The following FAM168B variants were observed in gnomAD, a reference collection of about 807,000 sequenced individuals.
FAM168B encodes the protein myelin-associated neurite-outgrowth inhibitor.
Under a neutral mutation model 21.8 loss-of-function variants are expected in FAM168B, and 19 were observed. The ratio of observed to expected loss-of-function variants is 0.87; its 90% confidence interval spans 0.61 to 1.28. FAM168B has a LOEUF of 1.28. Ranked by LOEUF, FAM168B falls within the 50% of genes most tolerant of loss-of-function variation. FAM168B has a pLI of 0.00. For synonymous variants in FAM168B, 126 were observed against 104.8 expected (o/e 1.20, Z -1.24); for missense variants, 233 against 263.1 (o/e 0.89, Z 0.79).
At chr2:131,080,895 C>T (rs1409000918) in intron 2 of FAM168B, among the ~76,000 whole-genome samples, 1 of 151,864 alleles carries the variant, frequency 6.6e-6, no homozygotes, top group Non-Finnish European at 1.5e-5. Context: ...TGGTCTCGAT[C>T]TCCTGAACTC....
At chr2:131,084,060 A>G (rs1049644363) in intron 1 of FAM168B, among the ~76,000 whole-genome samples, 45 of 150,830 alleles carry the variant, frequency 3.0e-4, no homozygotes, top group African/African-American at 1.1e-3. Context: ...GCGCCACCAC[A>G]CCCAGCTAAT....
intron 2 of FAM168B, 129 bp downstream of exon 2, chr2:131,082,448 C>T: frequency 1.6e-6 from 1 of 637,092 alleles, no homozygotes; most frequent in Non-Finnish European, 2.7e-6. Context: ...TGATTTTTCA[C>T]TTCCAGGTAT....
chr2:131,057,232 A>G (rs1312228772), intron 3 of FAM168B, among the ~76,000 whole-genome samples: 1 of 152,226 alleles, frequency 6.6e-6, no homozygotes, highest in Non-Finnish European at 1.5e-5. Flanking sequence ...AAGACTTGTA[A>G]AAAGTGTTCA....
At chr2:131,069,682 A>G (rs1334297484) in intron 3 of FAM168B, among the ~76,000 whole-genome samples, 2 of 151,828 alleles carry the variant, frequency 1.3e-5, no homozygotes, top group Non-Finnish European at 1.5e-5. Flanking sequence ...TTTAGTAGAG[A>G]GGGGGTTTCA....
chr2:131,049,159 T>G lies in FAM168B; in HGVS notation c.*3306A>C. 1.0e-6 allele frequency: 1 copy of G among 985,428 alleles called. No homozygotes were observed. The highest frequency in any genetic ancestry group is 1.2e-6 in the Non-Finnish European group (1 of 829,936). 61.0% of individuals were successfully genotyped at this position (985,428 alleles called of 1,614,324 possible). On this transcript the variant is annotated 3_prime_UTR_variant, in exon 7 of 7. Transcript: ENST00000389915. ...TACGTCGCAAGTTGCTGTAATAATGTATTTCCTCTCGTTACTGTTGTGTCC... is the reference window on the plus strand; with the variant it reads ...TACGTCGCAAGTTGCTGTAATAATGGATTTCCTCTCGTTACTGTTGTGTCC...
Position 131,050,018 on chromosome 2 carries a change from C to T in FAM168B, c.*2447G>A, listed in dbSNP as rs1309572712. ...TTTCAAAGTCAGAAAGATTTCTGCA[C>T]GGATGTGCAATGCAAACTTATTTCA... On this transcript the variant is annotated 3_prime_UTR_variant, in exon 7 of 7. Transcript: ENST00000389915. The T allele has an allele frequency of 1.2e-5, 12 of 985,306 alleles. No homozygotes were observed. The highest frequency in any genetic ancestry group is 6.2e-5 in the Admixed American group (1 of 16,256). The allele number at this position is 985,306 out of a possible 1,614,324, so 61.0% of individuals were successfully genotyped here.
chr2:131,052,984 A>AG lies in FAM168B; in HGVS notation c.506dup (p.Val170CysfsTer68). The AG allele has an allele frequency of 6.4e-7, 1 of 1,557,794 alleles. No homozygotes were observed. Among genetic ancestry groups the AG allele is most frequent in the Non-Finnish European group, 8.7e-7 (1 of 1,150,308 alleles). On this transcript the variant is annotated frameshift_variant, in exon 6 of 7. Transcript: ENST00000389915. LOFTEE classifies it high-confidence loss of function. ...GCACAGTGACCGGGTGGGGGGCGACAGGAGTTGGGGAGTGAGCAGTCAGCA... is the reference window on the plus strand; with the variant it reads ...GCACAGTGACCGGGTGGGGGGCGACAGGGAGTTGGGGAGTGAGCAGTCAGCA...
intron 2 of FAM168B, among the ~76,000 whole-genome samples, chr2:131,074,556 A>C (rs1693039401): frequency 6.6e-6 from 1 of 152,178 alleles, no homozygotes; most frequent in Admixed American, 6.5e-5. Flanking sequence ...CCTGTAAATA[A>C]AGTTGAAAGA....
rs2105439767 is a variant in FAM168B, at chr2:131,049,041, A to G, written c.*3424T>C. 1.0e-6 allele frequency: 1 copy of G among 985,502 alleles called. No homozygotes were observed. The highest frequency in any genetic ancestry group is 1.7e-5 in the African/African-American group (1 of 57,382). 61.0% of individuals were successfully genotyped at this position (985,502 alleles called of 1,614,324 possible). ...TTTTTTAAAGCAGACACCAATACTT[A>G]CATAACTAGTACATGTTGGCCTTTC... On this transcript the variant is annotated 3_prime_UTR_variant, in exon 7 of 7. Transcript: ENST00000389915.
In FAM168B at chr2:131,051,120, CT is replaced by C; in HGVS notation, c.*1344del. 1 of 985,410 alleles carries C rather than the reference CT, an allele frequency of 1.0e-6. No individual in the cohort carries two copies. The highest frequency in any genetic ancestry group is 1.2e-6 in the Non-Finnish European group (1 of 829,958). The allele number at this position is 985,410 out of a possible 1,614,324, so 61.0% of individuals were successfully genotyped here. A position where few individuals can be genotyped will look rare whatever the true frequency, so the allele number is the denominator to read the frequency against. The stretch of plus-strand genomic sequence containing the variant: ...TGCCTGGCCCTCTCTGCTGTCTGTG[CT>C]TGCTTTGTGCCAAGTGCCCTCAGCT... On this transcript the variant is annotated 3_prime_UTR_variant, in exon 7 of 7. Coordinates refer to ENST00000389915, the MANE Select transcript of FAM168B (RefSeq NM_001009993.4).
At chr2:131,071,387 C>A (rs1228815519) in intron 3 of FAM168B, among the ~76,000 whole-genome samples, 1 of 152,182 alleles carries the variant, frequency 6.6e-6, no homozygotes, top group Non-Finnish European at 1.5e-5. Context: ...AAGATTCAGA[C>A]CCAAACCAAT....
In FAM168B at chr2:131,049,781, A is replaced by C; in HGVS notation, c.*2684T>G. 2 of 985,872 alleles carry C rather than the reference A, an allele frequency of 2.0e-6. No individual in the cohort carries two copies. The highest frequency in any genetic ancestry group is 2.4e-6 in the Non-Finnish European group (2 of 829,938). The allele number at this position is 985,872 out of a possible 1,614,324, so 61.1% of individuals were successfully genotyped here. On this transcript the variant is annotated 3_prime_UTR_variant, in exon 7 of 7. Transcript: ENST00000389915. ...AGGAATGTCAAACACACAAAAAGCAAATTTCTCAGAATGCTCCACCATATG... is the reference window on the plus strand; with the variant it reads ...AGGAATGTCAAACACACAAAAAGCACATTTCTCAGAATGCTCCACCATATG...
chr2:131,050,994 G>T lies in FAM168B; in HGVS notation c.*1471C>A. 1.0e-6 allele frequency: 1 copy of T among 985,448 alleles called. No individual in the cohort carries two copies. The highest frequency in any genetic ancestry group is 1.2e-6 in the Non-Finnish European group (1 of 829,972). 61.0% of individuals were successfully genotyped at this position (985,448 alleles called of 1,614,324 possible). A position where few individuals can be genotyped will look rare whatever the true frequency, so the allele number is the denominator to read the frequency against. ...TACAGGACGGGCATATTTTGGGGGC[G>T]GGGTGGAGGGAAGCCTTTTCATTTC... On this transcript the variant is annotated 3_prime_UTR_variant, in exon 7 of 7. Coordinates refer to ENST00000389915, the MANE Select transcript of FAM168B (RefSeq NM_001009993.4).
chr2:131,080,675 G>C (rs1027513034), intron 2 of FAM168B, among the ~76,000 whole-genome samples: 1 of 147,486 alleles, frequency 6.8e-6, no homozygotes, highest in African/African-American at 2.5e-5. Context: ...AATAGTAAAA[G>C]AATTTTTTTT....
chr2:131,076,004 C>T (rs1317516841), intron 2 of FAM168B, among the ~76,000 whole-genome samples: 1 of 152,128 alleles, frequency 6.6e-6, no homozygotes, highest in African/African-American at 2.4e-5. Flanking sequence ...GCTCTGTCAC[C>T]ACTCTGACCC....
chr2:131,085,769 A>T (rs1339713328), intron 1 of FAM168B, among the ~76,000 whole-genome samples: 1 of 152,210 alleles, frequency 6.6e-6, no homozygotes, highest in East Asian at 1.9e-4. Context: ...GCCATTCACA[A>T]CTACAGCTAC....
chr2:131,087,077 A>AC (rs1254574337), intron 1 of FAM168B, among the ~76,000 whole-genome samples: 2 of 140,196 alleles, frequency 1.4e-5, no homozygotes, highest in Non-Finnish European at 3.0e-5. Context: ...AAAAAAAAAA[A>AC]AAAAAAAAGA....
intron 3 of FAM168B, among the ~76,000 whole-genome samples, chr2:131,062,712 T>C (rs1358433493): frequency 1.3e-5 from 2 of 152,186 alleles, no homozygotes; most frequent in Non-Finnish European, 2.9e-5. Context: ...CCTCCCAAAG[T>C]GCTGGGATTA....
rs764304514 is a variant in FAM168B, at chr2:131,055,645, C to A, written c.205G>T (p.Ala69Ser). 5.0e-6 allele frequency: 8 copies of A among 1,613,210 alleles called. No individual in the cohort carries two copies. Among genetic ancestry groups the A allele is most frequent in the Non-Finnish European group, 6.8e-6 (8 of 1,179,630 alleles). Reference protein sequence around the residue: ...YKVSCSPTSGAVPPYSSSPNP... With the variant: ...YKVSCSPTSGSVPPYSSSPNP... ...GGGGAGGAGGAGTACGGTGGCACAGCCCCGCTGGTGGGGGAACAGGACACT... is the reference window on the plus strand; with the variant it reads ...GGGGAGGAGGAGTACGGTGGCACAGACCCGCTGGTGGGGGAACAGGACACT... The change falls in exon 4 of 7, where the codon GCT (alanine) becomes TCT (serine). Residue 69 changes from alanine (A) to serine (S), a missense_variant. Coordinates refer to ENST00000389915, the MANE Select transcript of FAM168B (RefSeq NM_001009993.4).
Sources: gnomAD v4.1 joint callset for allele counts (sites outside exome capture counted in the v4.1 genomes callset) on GRCh38, gnomAD v4.1.1 for gene constraint, MANE v1.5 for transcripts, NCBI Gene and HGNC (gene_info 2026-07-23, HGNC 2026-07-21) for gene names.